Variants in ZRANB1 observed in about 807,000 individuals in gnomAD.
ZRANB1 encodes ubiquitin thioesterase ZRANB1.
Under a neutral mutation model 80.5 loss-of-function variants are expected in ZRANB1, and 16 were observed. The ratio of observed to expected loss-of-function variants is 0.20; its 90% confidence interval spans 0.13 to 0.30. The LOEUF (loss-of-function observed/expected upper bound fraction) is 0.30, where lower values mean the gene tolerates loss of function less well. Ranked by LOEUF, ZRANB1 falls within the 10% of genes least tolerant of loss-of-function variation. The probability of loss-of-function intolerance (pLI) is 1.00; values close to 1 mark genes in which losing one functional copy is unlikely to be tolerated. For missense variants in ZRANB1, 576 were observed against 862.6 expected (o/e 0.67, Z 4.16); for synonymous variants, 291 against 293.1 (o/e 0.99, Z 0.07).
At chr10:124,982,024 C>T (rs534310874) in intron 6 of ZRANB1, among the ~76,000 whole-genome samples, 195 bp downstream of exon 6, 98 of 150,198 alleles carry the variant, frequency 6.5e-4, no homozygotes, top group African/African-American at 2.3e-3. Context: ...AGATGAGCAT[C>T]GCAAGTATAG....
At chr10:124,967,569 G>T (rs1951786763) in intron 2 of ZRANB1, among the ~76,000 whole-genome samples, 1 of 152,190 alleles carries the variant, frequency 6.6e-6, no homozygotes. Flanking sequence ...AGAGCAGATT[G>T]TGTTTTGGCT....
chr10:124,924,913 T>A, the ZRANB1 span, among the ~76,000 whole-genome samples: 1 of 151,558 alleles, frequency 6.6e-6, no homozygotes, highest in Non-Finnish European at 1.5e-5. Context: ...TTTTGCTGTT[T>A]TTTTTTTTTT....
At position 124,986,271 on chromosome 10, in the gene ZRANB1, A is replaced by ACGCACG. The variant is rs1169559322; in HGVS notation, c.*1280_*1281insGCACGC. On this transcript the variant is annotated 3_prime_UTR_variant, in exon 9 of 9. Transcript: ENST00000359653. ...ATGTGGCCAGGAATTTGGAAAGACG[A>ACGCACG]CACACGCACGCGCGCGCGCGCACAC... The ACGCACG allele has an allele frequency of 4.8e-5, 2 of 41,942 alleles. No homozygotes were observed. The highest frequency in any genetic ancestry group is 1.2e-4 in the Non-Finnish European group (2 of 16,194). The allele number at this position is 41,942 out of a possible 1,614,324, so 2.6% of individuals were successfully genotyped here.
At chr10:124,940,146 G>A (rs1028149123), upstream of ZRANB1, among the ~76,000 whole-genome samples, 4 of 152,188 alleles carry the variant, frequency 2.6e-5, no homozygotes, top group African/African-American at 9.7e-5. Flanking sequence ...ACACAGCACA[G>A]GGTTAAGGTT....
chr10:124,966,773 C>T lies in ZRANB1; in HGVS notation c.994C>T (p.Leu332Phe). 6.2e-7 allele frequency: 1 copy of T among 1,611,178 alleles called. No homozygotes were observed. Among genetic ancestry groups the T allele is most frequent in the Non-Finnish European group, 8.5e-7 (1 of 1,177,660 alleles). The change falls in exon 2 of 9, where the codon CTT (leucine) becomes TTT (phenylalanine). Residue 332 changes from leucine to phenylalanine, a missense_variant. Coordinates refer to ENST00000359653, the MANE Select transcript of ZRANB1 (RefSeq NM_017580.3). ...GAGGCAGGATATGCTAGCAATATTG[C>T]TTACAGAGGTAAGTTTGGCGTTTTG... The part of the protein sequence containing the change: ...FQRQDMLAIL[L>F]TEVSQQAAKC...
chr10:124,953,404 A>T (rs902012113), intron 1 of ZRANB1, among the ~76,000 whole-genome samples: 1 of 151,978 alleles, frequency 6.6e-6, no homozygotes, highest in African/African-American at 2.4e-5. Flanking sequence ...TTTCTGCTGG[A>T]TATGTTTGGG....
At chr10:124,937,046 C>G in the ZRANB1 span, among the ~76,000 whole-genome samples, 2 of 152,086 alleles carry the variant, frequency 1.3e-5, no homozygotes, top group African/African-American at 4.8e-5. Flanking sequence ...CCTACACCTC[C>G]CAGGTTCAAG....
At chr10:124,980,370 A>AAC (rs796228406) in intron 5 of ZRANB1, among the ~76,000 whole-genome samples, 11 of 152,280 alleles carry the variant, frequency 7.2e-5, no homozygotes, top group African/African-American at 2.4e-4. Context: ...GTGGTCTTTG[A>AAC]AGAGTTTTGA....
intron 1 of ZRANB1, chr10:124,962,294 G>A (rs774107321): frequency 4.1e-6 from 3 of 724,398 alleles, no homozygotes; most frequent in Non-Finnish European, 3.4e-6. Flanking sequence ...AAGGGTTCCT[G>A]AAATTGTGCC....
the ZRANB1 span, among the ~76,000 whole-genome samples, chr10:124,924,964 G>A: frequency 6.6e-6 from 1 of 151,446 alleles, no homozygotes; most frequent in Non-Finnish European, 1.5e-5. Context: ...CTGGAGTGCA[G>A]TGGCGTGATC....
intron 2 of ZRANB1, 65 bp downstream of exon 2, chr10:124,966,846 T>A: frequency 7.0e-7 from 1 of 1,428,350 alleles, no homozygotes; most frequent in Non-Finnish European, 9.6e-7. Context: ...AGTTTTCATT[T>A]TTGATTTTAT....
rs1467101748 is a variant in ZRANB1, at chr10:124,987,269, G to C, written c.*2277G>C. The C allele has an allele frequency of 6.6e-6, 1 of 152,552 alleles. No individual in the cohort carries two copies. The allele number at this position is 152,552 out of a possible 1,614,324, so 9.4% of individuals were successfully genotyped here. ...ATTAATGACTGACTCTGGAGAGTAA[G>C]TCATACCTGCACTCTGTGGACTTGA... On this transcript the variant is annotated 3_prime_UTR_variant, in exon 9 of 9. Coordinates refer to ENST00000359653, the MANE Select transcript of ZRANB1 (RefSeq NM_017580.3).
intron 1 of ZRANB1, among the ~76,000 whole-genome samples, chr10:124,954,830 C>G (rs898988043): frequency 2.0e-5 from 3 of 151,254 alleles, no homozygotes; most frequent in African/African-American, 7.3e-5. Flanking sequence ...TAGTTTTGAA[C>G]TTTAAAACCG....
At chr10:124,920,601 T>A in the ZRANB1 span, among the ~76,000 whole-genome samples, 1 of 151,964 alleles carries the variant, frequency 6.6e-6, no homozygotes, top group African/African-American at 2.4e-5. Context: ...TGGCCTTGCT[T>A]TATGCCATTC....
intron 6 of ZRANB1, among the ~76,000 whole-genome samples, chr10:124,982,564 A>G (rs953602979): frequency 6.6e-6 from 1 of 152,000 alleles, no homozygotes; most frequent in Admixed American, 6.6e-5. Context: ...GTAAAGTACA[A>G]ATATATATAC....
intron 1 of ZRANB1, among the ~76,000 whole-genome samples, chr10:124,964,041 A>G (rs1026972649): frequency 6.6e-6 from 1 of 152,198 alleles, no homozygotes; most frequent in East Asian, 1.9e-4. Flanking sequence ...CATGCTGGGG[A>G]ATGGGCAGTA....
the ZRANB1 span, among the ~76,000 whole-genome samples, chr10:124,931,426 A>G: frequency 2.6e-3 from 392 of 152,266 alleles, 1 homozygote; most frequent in Non-Finnish European, 4.5e-3. Context: ...GCTGGAGTGC[A>G]GTAGTGTGGT....
chr10:124,970,833 G>GGT (rs776089739), intron 2 of ZRANB1, among the ~76,000 whole-genome samples: 5 of 85,380 alleles, frequency 5.9e-5, no homozygotes, highest in African/African-American at 9.3e-5. Flanking sequence ...TCTCTTTGGG[G>GGT]TTTTTTTTTT....
At chr10:124,934,575 G>A in the ZRANB1 span, among the ~76,000 whole-genome samples, 1 of 152,292 alleles carries the variant, frequency 6.6e-6, no homozygotes, top group Non-Finnish European at 1.5e-5. Context: ...GCGGCTTTTA[G>A]TAGTCTAATC....
Sources: allele counts gnomAD v4.1 joint callset (sites outside exome capture counted in the v4.1 genomes callset), GRCh38; gene constraint gnomAD v4.1.1; transcripts MANE v1.5; gene names NCBI Gene and HGNC (gene_info 2026-07-23, HGNC 2026-07-21).